Variants in TBC1D32 observed in about 807,000 individuals in gnomAD.
TBC1D32 encodes the protein protein broad-minded.
TBC1D32 carries 151 observed loss-of-function variants against 170.3 expected under a neutral mutation model. That is an observed-to-expected ratio of 0.89 (90% confidence interval 0.78 to 1.01). The LOEUF is 1.01. Among genes scored for constraint, TBC1D32 ranks in the 50% least tolerant of loss-of-function variants. TBC1D32 has a pLI of 0.00. For missense variants in TBC1D32, 1,464 were observed against 1,457.1 expected (o/e 1.00, Z -0.08); for synonymous variants, 498 against 488.0 (o/e 1.02, Z -0.27).
chr6:121,251,237 C>A (rs1277453812), intron 17 of TBC1D32, among the ~76,000 whole-genome samples: 1 of 152,018 alleles, frequency 6.6e-6, no homozygotes, highest in African/African-American at 2.4e-5. Flanking sequence ...CTTTAAATTT[C>A]ATATGGAACC....
chr6:121,193,959 A>G (rs1286798732), intron 22 of TBC1D32, among the ~76,000 whole-genome samples: 1 of 152,136 alleles, frequency 6.6e-6, no homozygotes, highest in Non-Finnish European at 1.5e-5. Context: ...TATTTCTCCC[A>G]TCCTTCCCTA....
chr6:121,292,876 A>T (rs1295860858), intron 11 of TBC1D32, among the ~76,000 whole-genome samples: 1 of 152,136 alleles, frequency 6.6e-6, no homozygotes, highest in Non-Finnish European at 1.5e-5. Flanking sequence ...GCAAAGCAGA[A>T]GGTTCGACGA....
At chr6:121,250,819 T>A (rs764377633) in intron 17 of TBC1D32, among the ~76,000 whole-genome samples, 5 of 152,174 alleles carry the variant, frequency 3.3e-5, no homozygotes, top group Admixed American at 6.5e-5. Flanking sequence ...GACATGATTA[T>A]ATATTTAGAA....
At position 121,080,884 on chromosome 6, in the gene TBC1D32, C is replaced by T. The variant is rs1562408339; in HGVS notation, c.3661G>A (p.Ala1221Thr). 2 of 1,603,952 alleles carry T rather than the reference C, an allele frequency of 1.2e-6. No individual in the cohort carries two copies. The highest frequency in any genetic ancestry group is 2.7e-5 in the African/African-American group (2 of 74,234). The part of the protein sequence containing the change: ...QDLQVFLKEE[A>T]LHGFRVSDYF... Reference sequence around the variant, plus strand: ...TCACTCACTCGAAACCCATGCAGTGCTTCTTCCTGCCAAAAATTACAAAGG... The same window carrying T: ...TCACTCACTCGAAACCCATGCAGTGTTTCTTCCTGCCAAAAATTACAAAGG... The change falls in exon 32 of 32, where the codon GCA becomes ACA. Residue 1221 changes from alanine to threonine, a missense_variant. Physicochemically the swap from Ala to Thr is moderately conservative, Grantham distance 58. Transcript: ENST00000398212.
Position 121,106,080 on chromosome 6 carries a change from C to T in TBC1D32, c.3408G>A (p.Lys1136=). 6.2e-7 allele frequency: 1 copy of T among 1,609,090 alleles called. No individual in the cohort carries two copies. Among genetic ancestry groups the T allele is most frequent in the Admixed American group, 1.7e-5 (1 of 59,910 alleles). ...CTGAAAACACAAGAGGCAACTCAGC[C>T]TTCAGTAGCATTTCAATATAATGGG... The part of the protein sequence containing the change: ...CSTHYIEMLL[K]AELPLVFSAF... The change falls in exon 30 of 32, where the codon AAG becomes AAA. Residue 1136 remains lysine (K), a synonymous_variant. Transcript: ENST00000398212.
intron 31 of TBC1D32, among the ~76,000 whole-genome samples, chr6:121,084,346 A>G (rs149400568): frequency 4.4e-4 from 67 of 152,268 alleles, no homozygotes; most frequent in African/African-American, 1.5e-3. Context: ...CTCTTTGCCC[A>G]GTGTGTGGCA....
intron 12 of TBC1D32, among the ~76,000 whole-genome samples, chr6:121,284,398 T>C (rs1803486247): frequency 6.6e-6 from 1 of 152,142 alleles, no homozygotes. Flanking sequence ...TAGCACTAAG[T>C]ATATGTAGAT....
At chr6:121,085,571 GT>G (rs377331637) in intron 31 of TBC1D32, among the ~76,000 whole-genome samples, 13 of 151,720 alleles carry the variant, frequency 8.6e-5, no homozygotes, top group African/African-American at 2.7e-4. Flanking sequence ...AAAGGTCACA[GT>G]TTTATGTATT....
intron 29 of TBC1D32, among the ~76,000 whole-genome samples, chr6:121,108,913 G>A (rs1778953516): frequency 6.6e-6 from 1 of 152,098 alleles, no homozygotes. Flanking sequence ...TAGTTAACTT[G>A]TGCATCATGC....
intron 1 of TBC1D32, among the ~76,000 whole-genome samples, chr6:121,332,604 A>G (rs903282148): frequency 2.6e-5 from 4 of 152,190 alleles, no homozygotes; most frequent in Non-Finnish European, 5.9e-5. Context: ...TTTACAGATG[A>G]CTTAAACAAC....
At chr6:121,319,903 T>C (rs571047758) in intron 2 of TBC1D32, among the ~76,000 whole-genome samples, 14 of 152,170 alleles carry the variant, frequency 9.2e-5, no homozygotes, top group Non-Finnish European at 1.3e-4. Flanking sequence ...ATAAACACCA[T>C]TGAGTAGATT....
intron 22 of TBC1D32, among the ~76,000 whole-genome samples, chr6:121,184,676 T>G (rs1020215470): frequency 2.6e-5 from 4 of 151,936 alleles, no homozygotes; most frequent in Admixed American, 2.0e-4. Flanking sequence ...ATGGTTTCAA[T>G]GACAGATTGG....
intron 31 of TBC1D32, among the ~76,000 whole-genome samples, chr6:121,088,228 T>C (rs914111211): frequency 2.6e-5 from 4 of 152,142 alleles, no homozygotes; most frequent in Non-Finnish European, 4.4e-5. Context: ...ATATGGGGAT[T>C]ACACGTGTGA....
intron 30 of TBC1D32, among the ~76,000 whole-genome samples, chr6:121,099,331 G>A (rs1034569965): frequency 6.6e-6 from 1 of 151,814 alleles, no homozygotes; most frequent in African/African-American, 2.4e-5. Flanking sequence ...ATTAGAATAT[G>A]TGATTTTCTG....
chr6:121,265,449 T>C (rs755667961), intron 15 of TBC1D32, among the ~76,000 whole-genome samples: 1 of 152,134 alleles, frequency 6.6e-6, no homozygotes, highest in African/African-American at 2.4e-5. Flanking sequence ...TCCTCATGGA[T>C]AGCAAGAATC....
At chr6:121,081,078 T>C (rs1775597752) in intron 31 of TBC1D32, among the ~76,000 whole-genome samples, 188 bp from the exon 32 acceptor site, 1 of 152,176 alleles carries the variant, frequency 6.6e-6, no homozygotes, top group Non-Finnish European at 1.5e-5. Context: ...GAAGAAACTA[T>C]ATGTCCCCCT....
chr6:121,139,483 G>GCTC (rs1782529102), intron 24 of TBC1D32, among the ~76,000 whole-genome samples: 1 of 152,106 alleles, frequency 6.6e-6, no homozygotes, highest in African/African-American at 2.4e-5. Flanking sequence ...CATGAACGGA[G>GCTC]ACTTAATTTC....
chr6:121,283,945 A>C, intron 12 of TBC1D32, 35 bp from the exon 13 acceptor site: 1 of 1,434,522 alleles, frequency 7.0e-7, no homozygotes, highest in Non-Finnish European at 9.7e-7. Flanking sequence ...ATTAATTTCT[A>C]GCATATTCTT....
chr6:121,195,718 G>A (rs1404076373), intron 22 of TBC1D32, among the ~76,000 whole-genome samples: 1 of 152,170 alleles, frequency 6.6e-6, no homozygotes, highest in Non-Finnish European at 1.5e-5. Flanking sequence ...TCAGTTGACA[G>A]AGGAAGGGAA....
Sources: gnomAD v4.1 joint callset for allele counts (sites outside exome capture counted in the v4.1 genomes callset) on GRCh38, gnomAD v4.1.1 for gene constraint, MANE v1.5 for transcripts, NCBI Gene and HGNC (gene_info 2026-07-23, HGNC 2026-07-21) for gene names.